Variants in MARK1 observed in about 807,000 individuals in gnomAD.
MARK1 encodes serine/threonine-protein kinase MARK1.
In MARK1, 40 loss-of-function variants were observed where a neutral mutation model predicts 96.3. The observed-to-expected ratio is 0.42, with a 90% CI of 0.32 to 0.54. MARK1 has a LOEUF of 0.54. Among genes scored for constraint, MARK1 ranks in the 20% least tolerant of loss-of-function variants. The pLI, the probability that MARK1 is intolerant of heterozygous loss-of-function variation, is 0.16. For missense variants in MARK1, 719 were observed against 984.6 expected, an observed-to-expected ratio of 0.73 and a Z score of 3.61; for synonymous variants, 317 against 341.2, an observed-to-expected ratio of 0.93 and a Z score of 0.78.
chr1:220,605,150 G>T (rs1665993931), intron 6 of MARK1, among the ~76,000 whole-genome samples: 1 of 152,134 alleles, frequency 6.6e-6, no homozygotes, highest in Non-Finnish European at 1.5e-5. Flanking sequence ...TTAACTTGTT[G>T]TAACATGGCA....
chr1:220,637,691 AAAAG>A (rs547114343), intron 13 of MARK1, among the ~76,000 whole-genome samples: 63 of 152,244 alleles, frequency 4.1e-4, no homozygotes, highest in East Asian at 7.7e-4. Flanking sequence ...AAAACCAAAA[AAAAG>A]AAAGAAAGAA....
chr1:220,635,619 C>T (rs906851219), intron 12 of MARK1, 90 bp downstream of exon 12: 10 of 1,371,904 alleles, frequency 7.3e-6, no homozygotes, highest in Admixed American at 4.7e-5. Flanking sequence ...TCTCTATGTG[C>T]TTGTGTTATC....
intron 13 of MARK1, among the ~76,000 whole-genome samples, chr1:220,643,412 G>C (rs1022606702): frequency 6.6e-6 from 1 of 152,076 alleles, no homozygotes; most frequent in East Asian, 1.9e-4. Flanking sequence ...ATGAATGAAC[G>C]AAACCTCCAA....
intron 1 of MARK1, among the ~76,000 whole-genome samples, chr1:220,542,644 T>G (rs947934768): frequency 6.6e-6 from 1 of 152,222 alleles, no homozygotes; most frequent in African/African-American, 2.4e-5. Flanking sequence ...GACTTAGTAT[T>G]TGACTCCAGG....
chr1:220,625,633 G>A (rs967626843), intron 9 of MARK1: 4 of 221,676 alleles, frequency 1.8e-5, no homozygotes, highest in South Asian at 6.9e-5. Context: ...CTTTTATTCC[G>A]CTGAGAAAAT....
At chr1:220,615,767 A>G (rs945232161) in intron 6 of MARK1, among the ~76,000 whole-genome samples, 172 bp from the exon 7 acceptor site, 2 of 152,176 alleles carry the variant, frequency 1.3e-5, no homozygotes, top group African/African-American at 4.8e-5. Context: ...TGCATTTAAC[A>G]GTGAAAGTTT....
intron 5 of MARK1, among the ~76,000 whole-genome samples, chr1:220,603,061 C>T (rs1406678932): frequency 6.6e-6 from 1 of 151,828 alleles, no homozygotes; most frequent in Admixed American, 6.6e-5. Context: ...AAATTCATAC[C>T]AAAATTGGTC....
intron 11 of MARK1, 103 bp from the exon 12 acceptor site, chr1:220,635,273 T>C: frequency 8.8e-7 from 1 of 1,140,892 alleles, no homozygotes; most frequent in Admixed American, 3.1e-5. Context: ...GGATTACTTC[T>C]TGTATAGCTT....
intron 6 of MARK1, among the ~76,000 whole-genome samples, chr1:220,607,053 G>A (rs532716726): frequency 6.6e-6 from 1 of 152,178 alleles, no homozygotes; most frequent in Admixed American, 6.5e-5. Context: ...TTCAAATTCT[G>A]TGAAGAAAGT....
intron 17 of MARK1, among the ~76,000 whole-genome samples, chr1:220,660,580 A>G (rs897918236): frequency 7.9e-5 from 12 of 152,188 alleles, no homozygotes; most frequent in Non-Finnish European, 4.4e-5. Flanking sequence ...TAGGTTAACA[A>G]GTTGCAATTA....
At chr1:220,609,660 T>G (rs1666313402) in intron 6 of MARK1, among the ~76,000 whole-genome samples, 1 of 152,242 alleles carries the variant, frequency 6.6e-6, no homozygotes, top group South Asian at 2.1e-4. Flanking sequence ...CGATGGTCTT[T>G]ACAATGTGGC....
chr1:220,639,956 T>A (rs1330136086), intron 13 of MARK1, among the ~76,000 whole-genome samples: 4 of 152,244 alleles, frequency 2.6e-5, no homozygotes, highest in Non-Finnish European at 5.9e-5. Context: ...TTGTCTTGTC[T>A]ATTGGTGACA....
chr1:220,636,040 C>A lies in MARK1; in HGVS notation c.1470+14C>A, dbSNP rs758896379. The A allele has an allele frequency of 1.3e-6, 2 of 1,551,078 alleles. No homozygotes were observed. The highest frequency in any genetic ancestry group is 2.3e-5 in the East Asian group (1 of 43,102). On this transcript the variant is annotated intron_variant, in intron 13 of 17. Transcript: ENST00000366917. ...ACTATTCCAAGTGTGAGTAAATACTCTGGTATATTGCAATTTATTGTAATA... is the reference window on the plus strand; with the variant it reads ...ACTATTCCAAGTGTGAGTAAATACTATGGTATATTGCAATTTATTGTAATA...
chr1:220,630,829 A>G (rs955750631), intron 9 of MARK1, among the ~76,000 whole-genome samples: 1 of 152,184 alleles, frequency 6.6e-6, no homozygotes, highest in African/African-American at 2.4e-5. Context: ...TTTTGAATCA[A>G]TGCATTTGGT....
intron 3 of MARK1, among the ~76,000 whole-genome samples, chr1:220,596,350 G>C (rs532259927): frequency 1.6e-4 from 24 of 152,306 alleles, no homozygotes; most frequent in Admixed American, 4.6e-4. Context: ...AAGACCCTGT[G>C]TACTGAGAGG....
intron 1 of MARK1, among the ~76,000 whole-genome samples, chr1:220,531,002 C>G (rs750957025): frequency 1.3e-5 from 2 of 152,110 alleles, no homozygotes; most frequent in African/African-American, 4.8e-5. Flanking sequence ...AAAGTCTCTC[C>G]CTGCAAGGAG....
intron 1 of MARK1, among the ~76,000 whole-genome samples, chr1:220,564,863 TTTC>T (rs1662929091): frequency 6.6e-6 from 1 of 152,180 alleles, no homozygotes; most frequent in Admixed American, 6.5e-5. Flanking sequence ...TACTGTCTTT[TTTC>T]TTCTTTAAGG....
intron 11 of MARK1, among the ~76,000 whole-genome samples, chr1:220,635,067 T>C (rs1055823541): frequency 2.0e-5 from 3 of 152,202 alleles, no homozygotes; most frequent in African/African-American, 7.2e-5. Flanking sequence ...AAAGAGCTTA[T>C]TTAGCACAGT....
chr1:220,553,277 AC>A (rs906994031), intron 1 of MARK1, among the ~76,000 whole-genome samples: 34 of 152,176 alleles, frequency 2.2e-4, no homozygotes, highest in African/African-American at 6.8e-4. Flanking sequence ...AAAATAAACA[AC>A]CAGGTACACT....
Sources: gnomAD v4.1 joint callset for allele counts (sites outside exome capture counted in the v4.1 genomes callset) on GRCh38, gnomAD v4.1.1 for gene constraint, MANE v1.5 for transcripts, NCBI Gene and HGNC (gene_info 2026-07-23, HGNC 2026-07-21) for gene names.